Variants in GABRB1 observed in about 807,000 individuals in gnomAD.
GABRB1 encodes the protein gamma-aminobutyric acid receptor subunit beta-1.
A neutral mutation model predicts 51.6 loss-of-function variants in GABRB1; 17 were observed. The observed-to-expected ratio is 0.33, with a 90% CI of 0.23 to 0.49. GABRB1 has a LOEUF of 0.49. Among genes scored for constraint, GABRB1 ranks in the 20% least tolerant of loss-of-function variants. GABRB1 has a pLI of 0.99. For synonymous variants in GABRB1, 247 were observed against 218.9 expected (o/e 1.13, Z -1.14); for missense variants, 410 against 600.6 (o/e 0.68, Z 3.32).
In GABRB1 at chr4:47,251,058, C is replaced by T. The variant is rs548038908; in HGVS notation, c.462-69069C>T. Among the ~76,000 whole-genome samples the T allele has an allele frequency of 5.3e-5, 8 of 152,178 alleles. No homozygotes were observed. In the South Asian group the frequency reaches 1.7e-3, roughly 32 times the overall value. ...TATTACCAGAGCTGGTTTTCTGGTT[C>T]CTTCTCATTTGGGTAGGCTGTGTGA... On this transcript the variant is annotated intron_variant, in intron 4 of 8. Coordinates refer to ENST00000295454, the MANE Select transcript of GABRB1 (RefSeq NM_000812.4).
intron 4 of GABRB1, among the ~76,000 whole-genome samples, chr4:47,236,311 A>G (rs148666707): frequency 2.0e-5 from 3 of 152,244 alleles, no homozygotes; most frequent in Admixed American, 6.5e-5. Flanking sequence ...CTGCCAACAA[A>G]AAGTTTACAG....
intron 4 of GABRB1, among the ~76,000 whole-genome samples, chr4:47,259,563 T>G (rs191050609): frequency 6.6e-6 from 1 of 152,156 alleles, no homozygotes; most frequent in African/African-American, 2.4e-5. Flanking sequence ...TTCAGTCTGC[T>G]CAACATCATA....
At chr4:47,229,907 A>G (rs1721076819) in intron 4 of GABRB1, among the ~76,000 whole-genome samples, 1 of 152,170 alleles carries the variant, frequency 6.6e-6, no homozygotes, top group Admixed American at 6.6e-5. Flanking sequence ...TCTTGATTTC[A>G]GGATTCTAGC....
intron 5 of GABRB1, among the ~76,000 whole-genome samples, chr4:47,363,095 A>T (rs1040984384): frequency 6.6e-6 from 1 of 152,026 alleles, no homozygotes; most frequent in African/African-American, 2.4e-5. Flanking sequence ...GGAGATGAAG[A>T]CTTCCGAATT....
intron 4 of GABRB1, among the ~76,000 whole-genome samples, chr4:47,293,869 A>G (rs558399410): frequency 2.7e-4 from 41 of 152,234 alleles, no homozygotes; most frequent in Non-Finnish European, 5.1e-4. Context: ...GTAATATTGA[A>G]AATTGTCCAT....
At chr4:47,012,059 C>A (rs1365259797) in intron 1 of GABRB1, among the ~76,000 whole-genome samples, 2 of 152,110 alleles carry the variant, frequency 1.3e-5, no homozygotes, top group Admixed American at 1.3e-4. Context: ...ACCACACTGT[C>A]CTTCATTTGA....
At position 47,087,229 on chromosome 4, in the gene GABRB1, G is replaced by A. The variant is rs548739659; in HGVS notation, c.240+54745G>A. 1.8e-4 allele frequency among the ~76,000 whole-genome samples: 28 copies of A among 152,244 alleles called. No individual in the cohort carries two copies. The South Asian group carries it at 5.8e-3, about 32-fold the overall frequency. On this transcript the variant is annotated intron_variant, in intron 3 of 8. Coordinates refer to ENST00000295454, the MANE Select transcript of GABRB1 (RefSeq NM_000812.4). ...CCAGACATACCTGAACTTCAGATTAGGCTCAGCTAGGACTCCAGGCGTATG... is the reference window on the plus strand; with the variant it reads ...CCAGACATACCTGAACTTCAGATTAAGCTCAGCTAGGACTCCAGGCGTATG...
intron 7 of GABRB1, among the ~76,000 whole-genome samples, chr4:47,404,504 C>T (rs1728503292): frequency 8.0e-6 from 1 of 125,170 alleles, no homozygotes; most frequent in South Asian, 2.8e-4. Context: ...CACACACACA[C>T]ACACACACAC....
chr4:47,011,114 A>G (rs1266821955), intron 1 of GABRB1, among the ~76,000 whole-genome samples: 2 of 152,224 alleles, frequency 1.3e-5, no homozygotes, highest in African/African-American at 4.8e-5. Flanking sequence ...TTTCAATGGT[A>G]GATGAAATTC....
At chr4:47,211,335 T>C (rs1720348644) in intron 4 of GABRB1, among the ~76,000 whole-genome samples, 1 of 152,184 alleles carries the variant, frequency 6.6e-6, no homozygotes, top group Non-Finnish European at 1.5e-5. Context: ...AAGAAAAGTG[T>C]GCTTACTCCA....
At chr4:47,412,566 G>A (rs984829951) in intron 8 of GABRB1, among the ~76,000 whole-genome samples, 1 of 152,172 alleles carries the variant, frequency 6.6e-6, no homozygotes, top group African/African-American at 2.4e-5. Flanking sequence ...CTTTAAAGGA[G>A]CATTATGGCT....
chr4:47,081,818 T>A (rs1727858878), intron 3 of GABRB1, among the ~76,000 whole-genome samples: 1 of 152,162 alleles, frequency 6.6e-6, no homozygotes, highest in Non-Finnish European at 1.5e-5. Flanking sequence ...AATAAGGGGC[T>A]GTGTAACAAG....
intron 4 of GABRB1, among the ~76,000 whole-genome samples, chr4:47,313,578 C>T (rs1724782725): frequency 6.6e-6 from 1 of 152,104 alleles, no homozygotes; most frequent in Non-Finnish European, 1.5e-5. Context: ...CAGAACTCTG[C>T]CCAGGGACAT....
intron 5 of GABRB1, among the ~76,000 whole-genome samples, chr4:47,346,021 T>G (rs957767442): frequency 6.7e-6 from 1 of 149,116 alleles, no homozygotes; most frequent in African/African-American, 2.5e-5. Context: ...CTTTGTTCTG[T>G]GGTATAAAGA....
intron 5 of GABRB1, among the ~76,000 whole-genome samples, chr4:47,344,420 G>T (rs989303870): frequency 6.6e-6 from 1 of 152,148 alleles, no homozygotes; most frequent in Non-Finnish European, 1.5e-5. Flanking sequence ...CTGGAAGCTG[G>T]GTTTCTGCTT....
At chr4:47,400,135 C>G (rs1222867707) in intron 5 of GABRB1, among the ~76,000 whole-genome samples, 1 of 152,104 alleles carries the variant, frequency 6.6e-6, no homozygotes, top group South Asian at 2.1e-4. Context: ...GTCTTCCAAG[C>G]CACAGATTGT....
chr4:47,070,121 C>T lies in GABRB1; in HGVS notation c.240+37637C>T, dbSNP rs142041885. ...CATGATCTCGGCTCACTGCAACCTC[C>T]GCCTTCTGAGCTCAAGCCATTCTCC... On this transcript the variant is annotated intron_variant, in intron 3 of 8. Coordinates refer to ENST00000295454, the MANE Select transcript of GABRB1 (RefSeq NM_000812.4). Among the ~76,000 whole-genome samples the T allele has an allele frequency of 3.7e-3, 566 of 152,094 alleles. 1 individual carries two copies. Among genetic ancestry groups the T allele is most frequent in the Non-Finnish European group, 6.3e-3 (429 of 67,974 alleles).
At chr4:47,290,855 G>A (rs1486675975) in intron 4 of GABRB1, among the ~76,000 whole-genome samples, 1 of 152,090 alleles carries the variant, frequency 6.6e-6, no homozygotes, top group Admixed American at 6.6e-5. Flanking sequence ...TTGGGTTCTG[G>A]TAAAGGCATT....
chr4:47,408,573 G>T, intron 8 of GABRB1, among the ~76,000 whole-genome samples: 1 of 152,194 alleles, frequency 6.6e-6, no homozygotes, highest in South Asian at 2.1e-4. Context: ...GCTATGGGGA[G>T]AGAAGTAGAC....
Sources: gnomAD v4.1 joint callset for allele counts (sites outside exome capture counted in the v4.1 genomes callset) on GRCh38, gnomAD v4.1.1 for gene constraint, MANE v1.5 for transcripts, NCBI Gene and HGNC (gene_info 2026-07-23, HGNC 2026-07-21) for gene names.